Variants in BTRC observed in about 807,000 individuals in gnomAD.
The protein encoded by BTRC is beta-transducin repeat containing E3 ubiquitin protein ligase.
BTRC carries 42 observed loss-of-function variants against 85.5 expected under a neutral mutation model. The observed-to-expected ratio is 0.49, with a 90% CI of 0.38 to 0.64. The LOEUF is 0.64. BTRC is among the 30% of genes least tolerant of loss of function. The probability of loss-of-function intolerance (pLI) is 0.00; values close to 1 mark genes in which losing one functional copy is unlikely to be tolerated. For synonymous variants in BTRC, 255 were observed against 263.3 expected (o/e 0.97, Z 0.30); for missense variants, 594 against 743.5 (o/e 0.80, Z 2.34).
At chr10:101,382,136 C>A (rs1942950635) in intron 1 of BTRC, among the ~76,000 whole-genome samples, 1 of 151,610 alleles carries the variant, frequency 6.6e-6, no homozygotes, top group South Asian at 2.1e-4. Flanking sequence ...GCACCTGCCA[C>A]CACGCCCGGT....
chr10:101,412,996 T>C (rs1022338849), intron 1 of BTRC, among the ~76,000 whole-genome samples: 2 of 152,176 alleles, frequency 1.3e-5, no homozygotes, highest in Non-Finnish European at 2.9e-5. Flanking sequence ...AATGAAGTTA[T>C]AGAAGAAATA....
chr10:101,527,789 C>T (rs774814497), intron 6 of BTRC, among the ~76,000 whole-genome samples: 19,057 of 138,176 alleles, frequency 0.14, 1,366 homozygotes, highest in Middle Eastern at 0.25. Flanking sequence ...CTCTCTCTCT[C>T]TCACATACAC....
At chr10:101,470,011 T>C (rs1421142820) in intron 3 of BTRC, among the ~76,000 whole-genome samples, 3 of 152,260 alleles carry the variant, frequency 2.0e-5, no homozygotes, top group African/African-American at 4.8e-5. Context: ...TCCATCATTA[T>C]AAGTGAAGTT....
At chr10:101,408,040 A>G (rs953773567) in intron 1 of BTRC, among the ~76,000 whole-genome samples, 4 of 152,182 alleles carry the variant, frequency 2.6e-5, no homozygotes, top group Non-Finnish European at 5.9e-5. Flanking sequence ...ATTTCAAAAT[A>G]TAATTAATAT....
intron 3 of BTRC, among the ~76,000 whole-genome samples, chr10:101,472,069 A>G (rs1404108555): frequency 6.6e-6 from 1 of 152,174 alleles, no homozygotes; most frequent in Non-Finnish European, 1.5e-5. Flanking sequence ...CCTTTAGTGC[A>G]GAATGGTATT....
intron 1 of BTRC, among the ~76,000 whole-genome samples, chr10:101,364,687 C>T (rs1942311225): frequency 6.6e-6 from 1 of 152,182 alleles, no homozygotes; most frequent in Middle Eastern, 3.2e-3. Context: ...GGAAGTACTA[C>T]ACCAAACTGT....
rs146952782 is a variant in BTRC, at chr10:101,361,308, G to A, written c.48+7080G>A. Among the ~76,000 whole-genome samples the A allele has an allele frequency of 1.6e-3, 241 of 151,850 alleles. 2 individuals are homozygous for A. In the East Asian group the frequency reaches 0.031, roughly 20 times the overall value. On this transcript the variant is annotated intron_variant, in intron 1 of 14. Coordinates refer to ENST00000370187, the MANE Select transcript of BTRC (RefSeq NM_033637.4). ...TTTTTAGTAGAGATGGGGTTTCACCGTGTTAGCCAGGATGGTCTCGATCTC... is the reference window on the plus strand; with the variant it reads ...TTTTTAGTAGAGATGGGGTTTCACCATGTTAGCCAGGATGGTCTCGATCTC...
chr10:101,504,710 TC>T (rs1946475441), intron 4 of BTRC, among the ~76,000 whole-genome samples: 1 of 151,798 alleles, frequency 6.6e-6, no homozygotes, highest in Non-Finnish European at 1.5e-5. Flanking sequence ...TCACTTTCTC[TC>T]CCTTTGACTC....
intron 7 of BTRC, among the ~76,000 whole-genome samples, 154 bp downstream of exon 7, chr10:101,531,487 C>T (rs1337423493): frequency 6.6e-6 from 1 of 152,132 alleles, no homozygotes; most frequent in Admixed American, 6.6e-5. Context: ...CCTGTAATCC[C>T]AGCATTTTTG....
At chr10:101,448,029 C>T (rs1169970515) in intron 2 of BTRC, among the ~76,000 whole-genome samples, 4 of 151,850 alleles carry the variant, frequency 2.6e-5, no homozygotes, top group Admixed American at 1.3e-4. Flanking sequence ...TTCTTTAAAT[C>T]GAAGATAGTT....
chr10:101,530,535 G>A (rs957542525), intron 6 of BTRC, among the ~76,000 whole-genome samples: 1 of 151,398 alleles, frequency 6.6e-6, no homozygotes, highest in Admixed American at 6.6e-5. Context: ...CTAGTTCAAA[G>A]GTAATAGTTA....
intron 2 of BTRC, among the ~76,000 whole-genome samples, chr10:101,457,865 G>A (rs1270701328): frequency 6.6e-6 from 1 of 152,030 alleles, no homozygotes; most frequent in Non-Finnish European, 1.5e-5. Flanking sequence ...ATAGACAAGT[G>A]AAAAGAATAG....
intron 1 of BTRC, among the ~76,000 whole-genome samples, chr10:101,412,247 C>T (rs1943800389): frequency 6.6e-6 from 1 of 152,190 alleles, no homozygotes; most frequent in African/African-American, 2.4e-5. Flanking sequence ...CTTCAGTATT[C>T]TGCCTCACTA....
At chr10:101,363,623 TAA>T (rs1030555151) in intron 1 of BTRC, among the ~76,000 whole-genome samples, 1 of 152,036 alleles carries the variant, frequency 6.6e-6, no homozygotes, top group Non-Finnish European at 1.5e-5. Flanking sequence ...CACGCCCGGC[TAA>T]GTTTTGTATT....
At chr10:101,441,985 A>G (rs1564775024) in intron 2 of BTRC, among the ~76,000 whole-genome samples, 1 of 151,936 alleles carries the variant, frequency 6.6e-6, no homozygotes. Flanking sequence ...CTAAGATTGC[A>G]TATACTTCTT....
At chr10:101,412,435 T>G (rs529705909) in intron 1 of BTRC, among the ~76,000 whole-genome samples, 4 of 152,328 alleles carry the variant, frequency 2.6e-5, no homozygotes, top group African/African-American at 9.6e-5. Context: ...TGGCATTGTT[T>G]GTTGTTCAGT....
intron 2 of BTRC, among the ~76,000 whole-genome samples, chr10:101,450,240 G>T (rs888384986): frequency 6.6e-6 from 1 of 152,052 alleles, no homozygotes; most frequent in South Asian, 2.1e-4. Flanking sequence ...GTGTAATATC[G>T]CTCCTATTCA....
chr10:101,432,587 T>G (rs183544943), intron 2 of BTRC, among the ~76,000 whole-genome samples: 4 of 152,320 alleles, frequency 2.6e-5, no homozygotes, highest in African/African-American at 9.6e-5. Context: ...TTGTAGTGCC[T>G]AAAAGGCTGC....
intron 3 of BTRC, among the ~76,000 whole-genome samples, chr10:101,472,963 G>A (rs1335765538): frequency 2.0e-5 from 3 of 152,060 alleles, no homozygotes; most frequent in African/African-American, 7.2e-5. Flanking sequence ...CATGACTGGG[G>A]TTTGCTGATC....
Sources: allele counts gnomAD v4.1 joint callset (sites outside exome capture counted in the v4.1 genomes callset), GRCh38; gene constraint gnomAD v4.1.1; transcripts MANE v1.5; gene names NCBI Gene and HGNC (gene_info 2026-07-23, HGNC 2026-07-21).